Variants in RBFOX1 observed in about 807,000 individuals in gnomAD.
RBFOX1 encodes RNA binding fox-1 homolog 1.
RBFOX1 carries 8 observed loss-of-function variants against 57.7 expected under a neutral mutation model. The ratio of observed to expected loss-of-function variants is 0.14; its 90% CI spans 0.08 to 0.25. The LOEUF is 0.25. Among genes scored for constraint, RBFOX1 ranks in the 10% least tolerant of loss-of-function variants. The pLI, the probability that RBFOX1 is intolerant of heterozygous loss-of-function variation, is 1.00. For synonymous variants in RBFOX1, 326 were observed against 222.4 expected, an observed-to-expected ratio of 1.47 and a Z score of -4.15; for missense variants, 611 against 548.5, an observed-to-expected ratio of 1.11 and a Z score of -1.14.
chr16:6,494,200 A>T (rs1341430380), intron 2 of RBFOX1, among the ~76,000 whole-genome samples: 3 of 152,200 alleles, frequency 2.0e-5, no homozygotes, highest in African/African-American at 7.2e-5. Context: ...CATGGCTGCA[A>T]TCCACTGACC....
chr16:7,392,254 G>C (rs1253132326), intron 4 of RBFOX1, among the ~76,000 whole-genome samples: 1 of 152,082 alleles, frequency 6.6e-6, no homozygotes, highest in Non-Finnish European at 1.5e-5. Flanking sequence ...GAATCCTCTA[G>C]GTTGGACAAC....
chr16:6,735,807 C>T (rs906943795), intron 3 of RBFOX1, among the ~76,000 whole-genome samples: 5 of 152,182 alleles, frequency 3.3e-5, no homozygotes, highest in South Asian at 2.1e-4. Flanking sequence ...GTGAAGAACA[C>T]AGACATGAGG....
Position 6,037,088 on chromosome 16 carries a change from C to G in RBFOX1, c.-127+17096C>G, listed in dbSNP as rs184756426. On this transcript the variant is annotated intron_variant, in intron 1 of 15. Transcript: ENST00000550418. ...CTGTATTTGGTGGGAGAGATACTTA[C>G]CTCTTACTTAGCAGTAGGAATATGC... The G allele has an allele frequency of 9.9e-5, 15 of 152,264 alleles. 2 individuals carry two copies. Among genetic ancestry groups the G allele is most frequent in the Admixed American group, 9.2e-4 (14 of 15,282 alleles). 9.4% of individuals were successfully genotyped at this position (152,264 alleles called of 1,614,324 possible).
intron 4 of RBFOX1, among the ~76,000 whole-genome samples, chr16:5,972,709 A>G (rs925409328): frequency 7.2e-5 from 11 of 152,162 alleles, no homozygotes; most frequent in African/African-American, 2.7e-4. Context: ...TGCCTGCCTC[A>G]TGGTGGGGCT....
chr16:7,362,514 G>T (rs111165108), intron 4 of RBFOX1, among the ~76,000 whole-genome samples: 16 of 131,732 alleles, frequency 1.2e-4, no homozygotes, highest in African/African-American at 4.7e-4. Flanking sequence ...CATGTTTTTT[G>T]TGTGTTTACA....
chr16:7,153,714 T>C (rs1256383987), intron 4 of RBFOX1, among the ~76,000 whole-genome samples: 1 of 101,946 alleles, frequency 9.8e-6, no homozygotes, highest in Non-Finnish European at 1.9e-5. Flanking sequence ...CTGGTGACAG[T>C]GAGACAGTGT....
At chr16:5,548,167 AAAAAAAAATAT>A (rs58548639) in intron 2 of RBFOX1, among the ~76,000 whole-genome samples, 4,011 of 62,136 alleles carry the variant, frequency 0.065, 121 homozygotes, top group South Asian at 0.093. Flanking sequence ...TTAAAAAAAA[AAAAAAAAATAT>A]ATATATATAT....
intron 3 of RBFOX1, among the ~76,000 whole-genome samples, chr16:6,746,254 T>G (rs2073607625): frequency 6.6e-6 from 1 of 151,918 alleles, no homozygotes; most frequent in Non-Finnish European, 1.5e-5. Context: ...CAATAAAAAC[T>G]CCCAAACATA....
intron 1 of RBFOX1, among the ~76,000 whole-genome samples, chr16:5,363,381 C>T (rs1158364529): frequency 6.6e-6 from 1 of 152,118 alleles, no homozygotes; most frequent in African/African-American, 2.4e-5. Context: ...GATTGCAGAT[C>T]ATATGGTAGT....
intron 4 of RBFOX1, among the ~76,000 whole-genome samples, chr16:7,303,835 C>T (rs922737348): frequency 6.6e-6 from 1 of 151,450 alleles, no homozygotes; most frequent in African/African-American, 2.4e-5. Context: ...CGTCCCACCC[C>T]TTCCTCCTCT....
At chr16:5,783,977 C>G (rs1454005684) in intron 3 of RBFOX1, among the ~76,000 whole-genome samples, 1 of 152,140 alleles carries the variant, frequency 6.6e-6, no homozygotes, top group Non-Finnish European at 1.5e-5. Flanking sequence ...CCATTCTTAC[C>G]TTGCTGTAAA....
chr16:7,193,687 G>A (rs1033634463), intron 4 of RBFOX1, among the ~76,000 whole-genome samples: 6 of 152,172 alleles, frequency 3.9e-5, no homozygotes, highest in East Asian at 1.9e-4. Flanking sequence ...TCACAGAGCT[G>A]GTATGTGACA....
At chr16:7,420,280 C>G (rs956481209) in intron 4 of RBFOX1, among the ~76,000 whole-genome samples, 2 of 152,150 alleles carry the variant, frequency 1.3e-5, no homozygotes, top group Admixed American at 1.3e-4. Flanking sequence ...TTTAAGGAAG[C>G]TAAGCCCTTG....
chr16:6,742,454 G>A (rs2072469332), intron 3 of RBFOX1, among the ~76,000 whole-genome samples: 1 of 152,148 alleles, frequency 6.6e-6, no homozygotes, highest in African/African-American at 2.4e-5. Context: ...ATTTACCAAT[G>A]AGTCAACAAT....
At chr16:5,350,342 C>T (rs1419945150) in intron 1 of RBFOX1, among the ~76,000 whole-genome samples, 1 of 152,078 alleles carries the variant, frequency 6.6e-6, no homozygotes, top group African/African-American at 2.4e-5. Context: ...ATTGTTTGCT[C>T]TGTGGGGATG....
chr16:6,609,166 C>G (rs961871249), intron 2 of RBFOX1, among the ~76,000 whole-genome samples: 1 of 152,104 alleles, frequency 6.6e-6, no homozygotes, highest in African/African-American at 2.4e-5. Flanking sequence ...TTCGCAGGCT[C>G]CAGGACAGAC....
At chr16:7,229,105 A>C (rs1317968032) in intron 4 of RBFOX1, among the ~76,000 whole-genome samples, 1 of 152,184 alleles carries the variant, frequency 6.6e-6, no homozygotes, top group Admixed American at 6.5e-5. Flanking sequence ...GCACTCTGAA[A>C]GGTCAGAACA....
intron 4 of RBFOX1, among the ~76,000 whole-genome samples, chr16:5,945,105 C>A (rs2059374387): frequency 1.3e-5 from 2 of 151,860 alleles, no homozygotes; most frequent in South Asian, 4.2e-4. Context: ...GACTGCCGGG[C>A]ACTCCCTGGT....
intron 3 of RBFOX1, among the ~76,000 whole-genome samples, chr16:5,842,399 C>T (rs1489664134): frequency 6.6e-6 from 1 of 152,086 alleles, no homozygotes; most frequent in African/African-American, 2.4e-5. Context: ...ATTTGATTTC[C>T]ATTTAAATCC....
Sources: gnomAD v4.1 joint callset for allele counts (sites outside exome capture counted in the v4.1 genomes callset) on GRCh38, gnomAD v4.1.1 for gene constraint, MANE v1.5 for transcripts, NCBI Gene and HGNC (gene_info 2026-07-23, HGNC 2026-07-21) for gene names.